ERBB4: variants seen among roughly 807,000 people sequenced by gnomAD.
ERBB4 encodes the protein receptor tyrosine-protein kinase erbB-4.
A neutral mutation model predicts 158.0 loss-of-function variants in ERBB4; 42 were observed. The ratio of observed to expected loss-of-function variants is 0.27; its 90% CI spans 0.21 to 0.34. The LOEUF (loss-of-function observed/expected upper bound fraction) is 0.34, where lower values mean the gene tolerates loss of function less well. Ranked by LOEUF, ERBB4 falls within the 10% of genes least tolerant of loss-of-function variation. The probability of loss-of-function intolerance (pLI) is 1.00; values close to 1 mark genes in which losing one functional copy is unlikely to be tolerated. For missense variants in ERBB4, 1,333 were observed against 1,624.1 expected (o/e 0.82, Z 3.08); for synonymous variants, 583 against 558.7 (o/e 1.04, Z -0.61).
intron 1 of ERBB4, among the ~76,000 whole-genome samples, chr2:212,256,444 C>G (rs1002007855): frequency 6.6e-6 from 1 of 152,022 alleles, no homozygotes; most frequent in Non-Finnish European, 1.5e-5. Flanking sequence ...ATTTGATAGT[C>G]AGAAACAAGG....
chr2:211,981,739 A>C (rs1559241761), intron 2 of ERBB4, among the ~76,000 whole-genome samples: 1 of 152,068 alleles, frequency 6.6e-6, no homozygotes, highest in African/African-American at 2.4e-5. Context: ...TTTTGCTACC[A>C]CTGTGGCCGT....
intron 16 of ERBB4, among the ~76,000 whole-genome samples, chr2:211,651,595 G>A (rs866747706): frequency 1.2e-4 from 18 of 151,822 alleles, no homozygotes; most frequent in Middle Eastern, 3.4e-3. Context: ...TTAATTCCAT[G>A]AGCCTTCATA....
intron 25 of ERBB4, among the ~76,000 whole-genome samples, chr2:211,400,475 T>G (rs563075124): frequency 6.6e-6 from 1 of 152,234 alleles, no homozygotes; most frequent in East Asian, 1.9e-4. Context: ...AGAGGTTATT[T>G]TGCAAACTTT....
intron 23 of ERBB4, among the ~76,000 whole-genome samples, chr2:211,423,066 T>C (rs1322491468): frequency 6.6e-6 from 1 of 151,836 alleles, no homozygotes; most frequent in Non-Finnish European, 1.5e-5. Context: ...AAAGCTCAAA[T>C]GCTCTGTATT....
chr2:211,632,429 T>A (rs1228991478), intron 16 of ERBB4, among the ~76,000 whole-genome samples: 1 of 152,076 alleles, frequency 6.6e-6, no homozygotes, highest in Non-Finnish European at 1.5e-5. Flanking sequence ...CAATTTTTTA[T>A]CGCAAAATAT....
intron 1 of ERBB4, among the ~76,000 whole-genome samples, chr2:212,336,676 TA>T (rs1325139229): frequency 6.6e-6 from 1 of 152,114 alleles, no homozygotes; most frequent in Non-Finnish European, 1.5e-5. Flanking sequence ...TTTGCTTTTC[TA>T]AAAGATGTGC....
chr2:211,779,978 T>C (rs1342613051), intron 4 of ERBB4, among the ~76,000 whole-genome samples: 1 of 152,196 alleles, frequency 6.6e-6, no homozygotes, highest in Non-Finnish European at 1.5e-5. Flanking sequence ...GTACTCACTT[T>C]CCATGACCAC....
At chr2:211,586,862 T>A (rs1054647196) in intron 19 of ERBB4, among the ~76,000 whole-genome samples, 1 of 152,176 alleles carries the variant, frequency 6.6e-6, no homozygotes, top group Non-Finnish European at 1.5e-5. Flanking sequence ...CACTTATTCT[T>A]TCCGATAATA....
intron 4 of ERBB4, among the ~76,000 whole-genome samples, chr2:211,753,103 G>A (rs1020042585): frequency 3.3e-5 from 5 of 152,110 alleles, no homozygotes; most frequent in African/African-American, 1.2e-4. Context: ...TGTTATCACT[G>A]GATGTTGCCA....
At chr2:211,574,718 G>T (rs1339914821) in intron 19 of ERBB4, among the ~76,000 whole-genome samples, 1 of 152,104 alleles carries the variant, frequency 6.6e-6, no homozygotes, top group Non-Finnish European at 1.5e-5. Context: ...ACTACCACTA[G>T]GGAGAAAGAA....
intron 3 of ERBB4, among the ~76,000 whole-genome samples, chr2:211,888,370 C>T (rs576361250): frequency 6.6e-6 from 1 of 152,302 alleles, no homozygotes; most frequent in South Asian, 2.1e-4. Context: ...ATTGGATAAA[C>T]ACATTACATT....
intron 3 of ERBB4, among the ~76,000 whole-genome samples, chr2:211,888,708 G>A (rs1007427162): frequency 9.9e-5 from 15 of 152,072 alleles, no homozygotes; most frequent in South Asian, 2.1e-4. Flanking sequence ...TGCGCGAGCC[G>A]AAGCAGGGCG....
chr2:211,634,553 C>T (rs2070283789), intron 16 of ERBB4, among the ~76,000 whole-genome samples: 2 of 152,164 alleles, frequency 1.3e-5, no homozygotes, highest in South Asian at 4.1e-4. Context: ...TTTATGAGGA[C>T]CCTTTGGGTA....
At chr2:212,301,483 T>C (rs2086619776) in intron 1 of ERBB4, among the ~76,000 whole-genome samples, 1 of 151,430 alleles carries the variant, frequency 6.6e-6, no homozygotes, top group Non-Finnish European at 1.5e-5. Flanking sequence ...CTGTGTTATA[T>C]CATGTGACTC....
chr2:212,483,302 A>G (rs935328059), intron 1 of ERBB4, among the ~76,000 whole-genome samples: 2 of 152,260 alleles, frequency 1.3e-5, no homozygotes, highest in Non-Finnish European at 2.9e-5. Flanking sequence ...CAGGATTCAT[A>G]AGTATTGTTG....
At chr2:212,047,619 CCCA>C (rs1300865789) in intron 2 of ERBB4, among the ~76,000 whole-genome samples, 11 of 151,214 alleles carry the variant, frequency 7.3e-5, no homozygotes, top group African/African-American at 2.7e-4. Context: ...ACTACAGGTA[CCCA>C]CCACCACACT....
intron 3 of ERBB4, among the ~76,000 whole-genome samples, chr2:211,947,047 T>G (rs561745943): frequency 2.6e-5 from 4 of 152,124 alleles, no homozygotes; most frequent in African/African-American, 7.2e-5. Context: ...TTCATGGAAA[T>G]AGATATAACA....
chr2:211,623,471 A>T (rs1054928071), intron 18 of ERBB4, among the ~76,000 whole-genome samples: 4 of 152,182 alleles, frequency 2.6e-5, no homozygotes, highest in Non-Finnish European at 5.9e-5. Flanking sequence ...TTCTAAAAAG[A>T]TCAGCTACTA....
At chr2:212,191,997 T>G (rs1204838589) in intron 1 of ERBB4, among the ~76,000 whole-genome samples, 2 of 106,034 alleles carry the variant, frequency 1.9e-5, no homozygotes, top group Non-Finnish European at 4.1e-5. Flanking sequence ...ATGTTATATA[T>G]GTTATATATA....
Sources: gnomAD v4.1 joint callset for allele counts (sites outside exome capture counted in the v4.1 genomes callset) on GRCh38, gnomAD v4.1.1 for gene constraint, MANE v1.5 for transcripts, NCBI Gene and HGNC (gene_info 2026-07-23, HGNC 2026-07-21) for gene names.